Variants in PHACTR1 observed in about 807,000 individuals in gnomAD.
PHACTR1 encodes phosphatase and actin regulator 1.
Under a neutral mutation model 69.2 loss-of-function variants are expected in PHACTR1, and 16 were observed. That is an observed-to-expected ratio of 0.23 (90% CI 0.16 to 0.35). The LOEUF is 0.35. Ranked by LOEUF, PHACTR1 falls within the 10% of genes least tolerant of loss-of-function variation. PHACTR1 has a pLI of 1.00. For missense variants in PHACTR1, 510 were observed against 734.7 expected (o/e 0.69, Z 3.54); for synonymous variants, 312 against 284.5 (o/e 1.10, Z -0.97).
chr6:13,067,356 C>A (rs1808805230), intron 5 of PHACTR1, among the ~76,000 whole-genome samples: 1 of 152,140 alleles, frequency 6.6e-6, no homozygotes, highest in Non-Finnish European at 1.5e-5. Flanking sequence ...CATTTCAGAT[C>A]CATGAGGGTG....
chr6:12,881,755 G>C (rs545828293), intron 4 of PHACTR1, among the ~76,000 whole-genome samples: 33 of 152,224 alleles, frequency 2.2e-4, no homozygotes, highest in South Asian at 8.3e-4. Context: ...TAAGTAAATG[G>C]TACTAAACAC....
chr6:12,820,498 T>C (rs1776085688), intron 4 of PHACTR1, among the ~76,000 whole-genome samples: 1 of 152,090 alleles, frequency 6.6e-6, no homozygotes, highest in Non-Finnish European at 1.5e-5. Flanking sequence ...TTTCTAATGG[T>C]CTAAGTACAA....
chr6:13,263,327 C>T (rs140140321), intron 10 of PHACTR1, among the ~76,000 whole-genome samples: 34 of 104,456 alleles, frequency 3.3e-4, no homozygotes, highest in Non-Finnish European at 6.2e-4. Flanking sequence ...CCAGTAGAGA[C>T]AGCATTGTTC....
chr6:13,276,623 T>TTA (rs1778971460), intron 11 of PHACTR1, among the ~76,000 whole-genome samples: 1 of 151,854 alleles, frequency 6.6e-6, no homozygotes, highest in South Asian at 2.1e-4. Flanking sequence ...AATACAAAAA[T>TTA]TAGCTGGGTG....
intron 4 of PHACTR1, among the ~76,000 whole-genome samples, chr6:12,862,816 C>T (rs897218248): frequency 4.6e-5 from 7 of 152,196 alleles, no homozygotes; most frequent in Non-Finnish European, 1.0e-4. Context: ...CAGCAACCTA[C>T]AATATATAAA....
chr6:13,274,817 T>C (rs545352738), intron 11 of PHACTR1: 1 of 152,322 alleles, frequency 6.6e-6, no homozygotes, highest in African/African-American at 2.4e-5. Flanking sequence ...CATGGTTCTC[T>C]TTTATTCTCT....
At chr6:13,042,654 TG>T (rs1472359712) in intron 4 of PHACTR1, among the ~76,000 whole-genome samples, 1 of 152,224 alleles carries the variant, frequency 6.6e-6, no homozygotes, top group Non-Finnish European at 1.5e-5. Context: ...TTTAAATTCA[TG>T]TAAGTCCTTA....
intron 4 of PHACTR1, among the ~76,000 whole-genome samples, chr6:12,821,206 A>G (rs1376047845): frequency 6.6e-6 from 1 of 152,182 alleles, no homozygotes. Flanking sequence ...TGACGCCTGT[A>G]ATCCTAGCAC....
intron 4 of PHACTR1, among the ~76,000 whole-genome samples, chr6:12,827,166 C>T (rs1776896909): frequency 6.6e-6 from 1 of 152,144 alleles, no homozygotes; most frequent in African/African-American, 2.4e-5. Context: ...CTCGAAAGGA[C>T]TTTTTCTATC....
intron 4 of PHACTR1, among the ~76,000 whole-genome samples, chr6:12,995,330 G>C (rs1582878418): frequency 6.7e-6 from 1 of 149,748 alleles, no homozygotes; most frequent in Non-Finnish European, 1.5e-5. Context: ...CAGAGATCAA[G>C]AGGTGCAAAG....
intron 4 of PHACTR1, among the ~76,000 whole-genome samples, chr6:12,798,796 C>T (rs1773377729): frequency 1.3e-5 from 2 of 152,162 alleles, no homozygotes; most frequent in Admixed American, 1.3e-4. Flanking sequence ...AAGATGCATA[C>T]CATGACATAG....
chr6:12,994,736 C>T (rs1797222539), intron 4 of PHACTR1, among the ~76,000 whole-genome samples: 1 of 152,020 alleles, frequency 6.6e-6, no homozygotes, highest in South Asian at 2.1e-4. Context: ...GTATTATAAG[C>T]ATACTATTTA....
chr6:12,722,473 A>C (rs1006270301), intron 3 of PHACTR1, among the ~76,000 whole-genome samples: 3 of 152,190 alleles, frequency 2.0e-5, no homozygotes, highest in Non-Finnish European at 4.4e-5. Context: ...TGTTTCTTTT[A>C]GATTTTTCTT....
At chr6:12,756,721 G>A (rs956225253) in intron 4 of PHACTR1, among the ~76,000 whole-genome samples, 1 of 152,196 alleles carries the variant, frequency 6.6e-6, no homozygotes, top group African/African-American at 2.4e-5. Context: ...CTGTAGATGA[G>A]ACTTTAATAT....
Position 12,900,295 on chromosome 6 carries a change from C to G in PHACTR1, c.250+150505C>G, listed in dbSNP as rs531323192. 1.6e-3 allele frequency among the ~76,000 whole-genome samples: 237 copies of G among 149,462 alleles called. 2 individuals carry two copies. Among genetic ancestry groups the G allele is most frequent in the South Asian group, 3.4e-3 (16 of 4,722 alleles). ...CCATTTAGCTCATCATTTTTTTTTT[C>G]GAAGCGGATACCTTTATCTTGTGAT... On this transcript the variant is annotated intron_variant, in intron 4 of 14. Transcript: ENST00000332995.
intron 7 of PHACTR1, among the ~76,000 whole-genome samples, chr6:13,193,555 T>C (rs1763926697): frequency 6.6e-6 from 1 of 150,680 alleles, no homozygotes; most frequent in Non-Finnish European, 1.5e-5. Context: ...CCCAGCTAAT[T>C]TTTTAAAATT....
intron 10 of PHACTR1, among the ~76,000 whole-genome samples, chr6:13,248,980 C>G (rs1030097382): frequency 6.6e-6 from 1 of 152,162 alleles, no homozygotes; most frequent in African/African-American, 2.4e-5. Flanking sequence ...TGATGAAGAA[C>G]GAGAGGAGGA....
At chr6:13,070,718 G>A (rs72820877) in intron 5 of PHACTR1, among the ~76,000 whole-genome samples, 5 of 152,092 alleles carry the variant, frequency 3.3e-5, no homozygotes, top group Non-Finnish European at 7.4e-5. Flanking sequence ...CAACAGAAAC[G>A]ATTGGAAATA....
intron 4 of PHACTR1, among the ~76,000 whole-genome samples, chr6:12,934,918 A>T (rs1386348470): frequency 3.9e-5 from 6 of 152,040 alleles, no homozygotes; most frequent in Non-Finnish European, 8.8e-5. Context: ...ACTATAAGAG[A>T]TTGCTCAAGA....
Sources: gnomAD v4.1 joint callset for allele counts (sites outside exome capture counted in the v4.1 genomes callset) on GRCh38, gnomAD v4.1.1 for gene constraint, MANE v1.5 for transcripts, NCBI Gene and HGNC (gene_info 2026-07-23, HGNC 2026-07-21) for gene names.